Variants in DCTN6 observed in about 807,000 individuals in gnomAD.
DCTN6 encodes the protein dynactin 6.
In DCTN6, 15 loss-of-function variants were observed where a neutral mutation model predicts 25.8. The ratio of observed to expected loss-of-function variants is 0.58; its 90% CI spans 0.39 to 0.89. The LOEUF is 0.89. DCTN6 is among the 40% of genes least tolerant of loss of function. The pLI is 0.00. For synonymous variants in DCTN6, 64 were observed against 78.3 expected (o/e 0.82, Z 0.96); for missense variants, 198 against 237.6 (o/e 0.83, Z 1.09).
intron 1 of DCTN6, among the ~76,000 whole-genome samples, chr8:30,162,143 G>A (rs1046613002): frequency 2.0e-5 from 3 of 151,720 alleles, no homozygotes; most frequent in Admixed American, 6.6e-5. Context: ...AGGCTGGAGT[G>A]CAGTGGCGCT....
At chr8:30,156,438 C>T in intron 1 of DCTN6, 32 bp downstream of exon 1, 2 of 1,589,186 alleles carry the variant, frequency 1.3e-6, no homozygotes, top group Admixed American at 1.8e-5. Flanking sequence ...AGCCTTTTCT[C>T]AGCTTTCCGT....
At chr8:30,171,921 A>G (rs1335060999) in intron 2 of DCTN6, among the ~76,000 whole-genome samples, 1 of 152,174 alleles carries the variant, frequency 6.6e-6, no homozygotes, top group East Asian at 1.9e-4. Context: ...CCTTTGTGAG[A>G]GTAAGCACAT....
intron 2 of DCTN6, among the ~76,000 whole-genome samples, chr8:30,172,779 G>A (rs1388060819): frequency 6.6e-6 from 1 of 152,086 alleles, no homozygotes; most frequent in Non-Finnish European, 1.5e-5. Context: ...AGTGTACAGT[G>A]GAGCTTACAT....
intron 1 of DCTN6, among the ~76,000 whole-genome samples, chr8:30,162,145 A>G (rs1803606349): frequency 6.6e-6 from 1 of 151,476 alleles, no homozygotes; most frequent in African/African-American, 2.4e-5. Context: ...GCTGGAGTGC[A>G]GTGGCGCTAC....
chr8:30,179,541 G>A, intron 5 of DCTN6, 86 bp downstream of exon 5: 2 of 1,234,088 alleles, frequency 1.6e-6, no homozygotes, highest in Non-Finnish European at 2.3e-6. Context: ...TAGAAACTGT[G>A]GCAAGGTGTT....
intron 6 of DCTN6, 37 bp from the exon 7 acceptor site, chr8:30,183,038 T>C: frequency 1.3e-6 from 2 of 1,594,024 alleles, no homozygotes; most frequent in Non-Finnish European, 1.7e-6. Context: ...TTGACTTTGC[T>C]TTCTGCCAAT....
rs552614616 is a variant in DCTN6 at position 30,168,318 on chromosome 8, A to G, written c.88+4143A>G. Among the ~76,000 whole-genome samples the G allele has an allele frequency of 2.0e-5, 3 of 152,050 alleles. No homozygotes were observed. In the East Asian group the frequency reaches 5.8e-4, roughly 29 times the overall value. Reference sequence around the variant, plus strand: ...AGATAATCATTTTTGTCATTGTTATATTTGGTATAAAATGTCTCAAGTCTT... The same window carrying G: ...AGATAATCATTTTTGTCATTGTTATGTTTGGTATAAAATGTCTCAAGTCTT... On this transcript the variant is annotated intron_variant, in intron 2 of 6. Coordinates refer to ENST00000221114, the MANE Select transcript of DCTN6 (RefSeq NM_006571.4).
intron 1 of DCTN6, among the ~76,000 whole-genome samples, chr8:30,158,079 A>C (rs1803550158): frequency 6.6e-6 from 1 of 152,132 alleles, no homozygotes; most frequent in South Asian, 2.1e-4. Flanking sequence ...TATCGGGACC[A>C]CGTTTTAGTT....
intron 2 of DCTN6, among the ~76,000 whole-genome samples, chr8:30,168,197 C>T (rs917686526): frequency 6.6e-6 from 1 of 151,950 alleles, no homozygotes; most frequent in Non-Finnish European, 1.5e-5. Context: ...ATATAGTTAC[C>T]CATGGTTCTG....
intron 5 of DCTN6, among the ~76,000 whole-genome samples, chr8:30,180,221 T>C (rs759002215): frequency 1.3e-5 from 2 of 152,228 alleles, no homozygotes; most frequent in Non-Finnish European, 2.9e-5. Context: ...GTGGCCTCTT[T>C]GTTTTATAGA....
chr8:30,165,753 CG>C (rs1466406691), intron 2 of DCTN6: 1 of 152,334 alleles, frequency 6.6e-6, no homozygotes, highest in African/African-American at 2.4e-5. Flanking sequence ...CCCAGCTACT[CG>C]GGAGGCTGAG....
intron 2 of DCTN6, among the ~76,000 whole-genome samples, chr8:30,172,771 T>A (rs1423486513): frequency 6.6e-6 from 1 of 152,178 alleles, no homozygotes; most frequent in Non-Finnish European, 1.5e-5. Flanking sequence ...ATATCTTAAG[T>A]GTACAGTGGA....
intron 5 of DCTN6, among the ~76,000 whole-genome samples, chr8:30,180,013 C>T (rs996571885): frequency 2.0e-4 from 31 of 152,086 alleles, no homozygotes; most frequent in African/African-American, 7.0e-4. Flanking sequence ...CTGAGTGGCA[C>T]GAAAGAAAAT....
At chr8:30,182,928 G>C in intron 6 of DCTN6, 147 bp from the exon 7 acceptor site, 2 of 646,306 alleles carry the variant, frequency 3.1e-6, no homozygotes, top group Non-Finnish European at 5.5e-6. Flanking sequence ...TGCTCAGGCT[G>C]TTCTGGAACT....
chr8:30,177,053 A>G (rs1803845298), intron 3 of DCTN6, 73 bp from the exon 4 acceptor site: 7 of 1,222,056 alleles, frequency 5.7e-6, no homozygotes, highest in Non-Finnish European at 8.3e-6. Context: ...GAATTAACCC[A>G]AATTCGAAAA....
Position 30,180,578 on chromosome 8 carries a change from C to T in DCTN6, c.422C>T (p.Thr141Met), listed in dbSNP as rs748357448. 1 of 1,614,036 alleles carries T rather than the reference C, an allele frequency of 6.2e-7. No homozygotes were observed. The highest frequency in any genetic ancestry group is 8.5e-7 in the Non-Finnish European group (1 of 1,180,002). The change falls in exon 6 of 7, where the codon ACG becomes ATG. Residue 141 changes from threonine to methionine, a missense_variant. Transcript: ENST00000221114. ...ACATTTGAAGTCATCCCTGAGAATA[C>T]GGTGATCTATGGTGCAGACTGCCTT... is the stretch of plus-strand genomic sequence containing the variant. Reference protein sequence around the residue: ...LNTFEVIPENTVIYGADCLRR... With the variant: ...LNTFEVIPENMVIYGADCLRR...
intron 1 of DCTN6, among the ~76,000 whole-genome samples, chr8:30,159,341 G>A (rs1287991658): frequency 6.6e-6 from 1 of 151,924 alleles, no homozygotes; most frequent in African/African-American, 2.4e-5. Context: ...AGAAAAATTT[G>A]TGTATGTCTT....
At chr8:30,171,764 C>T (rs1348708422) in intron 2 of DCTN6, among the ~76,000 whole-genome samples, 1 of 152,148 alleles carries the variant, frequency 6.6e-6, no homozygotes, top group Non-Finnish European at 1.5e-5. Context: ...TGCATTAGCT[C>T]TTAGTAGTAA....
At chr8:30,173,731 T>TAAA (rs371782984) in intron 2 of DCTN6, among the ~76,000 whole-genome samples, 3 of 96,046 alleles carry the variant, frequency 3.1e-5, no homozygotes, top group South Asian at 3.7e-4. Flanking sequence ...CCCTGTCTCT[T>TAAA]AAAAAAAAAA....
Sources: allele counts gnomAD v4.1 joint callset (sites outside exome capture counted in the v4.1 genomes callset), GRCh38; gene constraint gnomAD v4.1.1; transcripts MANE v1.5; gene names NCBI Gene and HGNC (gene_info 2026-07-23, HGNC 2026-07-21).